The following LRRTM3 variants were observed in gnomAD, a reference collection of about 807,000 sequenced individuals.
LRRTM3 encodes leucine-rich repeat transmembrane neuronal protein 3.
In LRRTM3, 24 loss-of-function variants were observed where a neutral mutation model predicts 44.7. That is an observed-to-expected ratio of 0.54 (90% CI 0.39 to 0.76). The LOEUF (loss-of-function observed/expected upper bound fraction) is 0.76, where lower values mean the gene tolerates loss of function less well. Ranked by LOEUF, LRRTM3 falls within the 30% of genes least tolerant of loss-of-function variation. The probability of loss-of-function intolerance (pLI) is 0.00; values close to 1 mark genes in which losing one functional copy is unlikely to be tolerated. For missense variants in LRRTM3, 587 were observed against 702.2 expected, an observed-to-expected ratio of 0.84 and a Z score of 1.85; for synonymous variants, 277 against 278.7, an observed-to-expected ratio of 0.99 and a Z score of 0.06.
chr10:67,031,389 G>A (rs540217034), intron 2 of LRRTM3, among the ~76,000 whole-genome samples: 6 of 152,216 alleles, frequency 3.9e-5, no homozygotes, highest in African/African-American at 9.6e-5. Flanking sequence ...ATCATTCTTC[G>A]TCTTCACTTC....
intron 2 of LRRTM3, among the ~76,000 whole-genome samples, chr10:66,931,849 G>C (rs921356686): frequency 6.6e-6 from 1 of 152,142 alleles, no homozygotes; most frequent in Admixed American, 6.5e-5. Context: ...AAATATTTTA[G>C]AGTGCTTATA....
chr10:66,967,138 C>T (rs138924305), intron 2 of LRRTM3, among the ~76,000 whole-genome samples: 1,672 of 151,906 alleles, frequency 0.011, 12 homozygotes, highest in South Asian at 0.033. Context: ...ATGGTTATAG[C>T]AAAAAATAGA....
At chr10:66,981,167 G>A (rs1850415988) in intron 2 of LRRTM3, among the ~76,000 whole-genome samples, 1 of 152,218 alleles carries the variant, frequency 6.6e-6, no homozygotes, top group South Asian at 2.1e-4. Context: ...GCCTCCCAAA[G>A]TGCTGGGATT....
At chr10:67,020,835 G>A (rs924470324) in intron 2 of LRRTM3, among the ~76,000 whole-genome samples, 1 of 152,102 alleles carries the variant, frequency 6.6e-6, no homozygotes, top group African/African-American at 2.4e-5. Flanking sequence ...TGGAACAGAG[G>A]GGCTTCAGAT....
At chr10:66,936,927 G>A (rs769136691) in intron 2 of LRRTM3, among the ~76,000 whole-genome samples, 1 of 152,168 alleles carries the variant, frequency 6.6e-6, no homozygotes, top group Non-Finnish European at 1.5e-5. Flanking sequence ...ATAGCCAGCA[G>A]GGTTGGGGAA....
At chr10:67,080,153 C>T (rs1398643635) in intron 2 of LRRTM3, among the ~76,000 whole-genome samples, 1 of 152,128 alleles carries the variant, frequency 6.6e-6, no homozygotes, top group Non-Finnish European at 1.5e-5. Flanking sequence ...TTAAAAAATT[C>T]CCTCTTCTCA....
In LRRTM3 at chr10:66,926,373, G is replaced by T; in HGVS notation, c.-211G>T. On this transcript the variant is annotated 5_prime_UTR_variant, in exon 1 of 3. An upstream start codon of the reference 5' UTR is lost. Transcript: ENST00000361320. ...AAGATTTTGATGTTTTGCTGCGAAT[G>T]CGGTGTTGGGATTTATTTGTTCTTG... is the stretch of plus-strand genomic sequence containing the variant. 1.5e-6 allele frequency: 1 copy of T among 645,294 alleles called. No individual in the cohort carries two copies. The allele number at this position is 645,294 out of a possible 1,614,324, so 40.0% of individuals were successfully genotyped here.
intron 2 of LRRTM3, among the ~76,000 whole-genome samples, chr10:66,963,411 G>A (rs1158160914): frequency 6.6e-6 from 1 of 152,120 alleles, no homozygotes; most frequent in Non-Finnish European, 1.5e-5. Context: ...GAAATTATAT[G>A]CACAAAGTTC....
chr10:66,942,294 C>T (rs764054427), intron 2 of LRRTM3, among the ~76,000 whole-genome samples: 1 of 152,144 alleles, frequency 6.6e-6, no homozygotes, highest in Non-Finnish European at 1.5e-5. Context: ...ATGTCCTTGA[C>T]GCTTACCAAT....
intron 2 of LRRTM3, among the ~76,000 whole-genome samples, chr10:66,935,330 G>A (rs895910043): frequency 1.3e-5 from 2 of 151,948 alleles, no homozygotes; most frequent in Admixed American, 1.3e-4. Flanking sequence ...TAGTTATAAC[G>A]GTGAAAACTC....
chr10:67,007,583 G>T (rs1416309193), intron 2 of LRRTM3, among the ~76,000 whole-genome samples: 1 of 151,718 alleles, frequency 6.6e-6, no homozygotes, highest in Non-Finnish European at 1.5e-5. Context: ...CCAGTAAAAG[G>T]GAAAACCTGA....
At chr10:67,013,828 G>A (rs1301507058) in intron 2 of LRRTM3, among the ~76,000 whole-genome samples, 2 of 152,032 alleles carry the variant, frequency 1.3e-5, no homozygotes, top group Non-Finnish European at 2.9e-5. Flanking sequence ...GTCATTACTG[G>A]TGAATACAGA....
chr10:66,965,105 G>T (rs1849326822), intron 2 of LRRTM3, among the ~76,000 whole-genome samples: 1 of 152,146 alleles, frequency 6.6e-6, no homozygotes, highest in Non-Finnish European at 1.5e-5. Context: ...GGCCAACTGT[G>T]GGTCAAGCCC....
intron 2 of LRRTM3, among the ~76,000 whole-genome samples, chr10:67,060,843 G>A (rs2764811): frequency 8.5e-6 from 1 of 118,320 alleles, no homozygotes; most frequent in African/African-American, 3.8e-5. Flanking sequence ...ACATGAAAAA[G>A]AAATACATTT....
At chr10:67,002,998 T>C (rs1851770759) in intron 2 of LRRTM3, among the ~76,000 whole-genome samples, 1 of 152,142 alleles carries the variant, frequency 6.6e-6, no homozygotes, top group Non-Finnish European at 1.5e-5. Context: ...TCAGATGCAG[T>C]ATTGCTTTCA....
chr10:66,953,984 C>G (rs1848668032), intron 2 of LRRTM3, among the ~76,000 whole-genome samples: 1 of 152,056 alleles, frequency 6.6e-6, no homozygotes, highest in South Asian at 2.1e-4. Flanking sequence ...TTTTGAAATA[C>G]AAAATAATTA....
intron 2 of LRRTM3, among the ~76,000 whole-genome samples, chr10:67,086,159 TA>T (rs1304352800): frequency 2.6e-5 from 4 of 152,032 alleles, no homozygotes; most frequent in African/African-American, 9.7e-5. Flanking sequence ...AGAAACAGTA[TA>T]TTTTTTTTCA....
chr10:66,974,754 C>T (rs1278491281), intron 2 of LRRTM3, among the ~76,000 whole-genome samples: 1 of 151,340 alleles, frequency 6.6e-6, no homozygotes, highest in Non-Finnish European at 1.5e-5. Context: ...TTTTAATTTC[C>T]CTAATGACTA....
chr10:67,045,888 A>T (rs1854713068), intron 2 of LRRTM3, among the ~76,000 whole-genome samples: 1 of 152,202 alleles, frequency 6.6e-6, no homozygotes, highest in Admixed American at 6.5e-5. Flanking sequence ...CCAAATAATA[A>T]GCTGTAAAAA....
Sources: gnomAD v4.1 joint callset for allele counts (sites outside exome capture counted in the v4.1 genomes callset) on GRCh38, gnomAD v4.1.1 for gene constraint, MANE v1.5 for transcripts, NCBI Gene and HGNC (gene_info 2026-07-23, HGNC 2026-07-21) for gene names.